The following RAB37 variants were observed in gnomAD, a reference collection of about 807,000 sequenced individuals.
RAB37 encodes the protein RAB37, member RAS oncogene family.
In RAB37, 29 loss-of-function variants were observed where a neutral mutation model predicts 33.1. The observed-to-expected ratio is 0.88, with a 90% CI of 0.65 to 1.20. The LOEUF (loss-of-function observed/expected upper bound fraction) is 1.20, where lower values mean the gene tolerates loss of function less well. RAB37 is among the 50% of genes most tolerant of loss of function. The pLI is 0.00. For missense variants in RAB37, 299 were observed against 301.1 expected (o/e 0.99, Z 0.05); for synonymous variants, 128 against 119.5 (o/e 1.07, Z -0.47).
At chr17:74,736,662 C>T, upstream of RAB37, 1 of 1,535,556 alleles carries the variant, frequency 6.5e-7, no homozygotes. Context: ...AGAGGTGATC[C>T]ATACTAAAGG....
At chr17:74,690,431 C>G (rs73361325) in intron 1 of RAB37, among the ~76,000 whole-genome samples, 1 of 152,080 alleles carries the variant, frequency 6.6e-6, no homozygotes, top group African/African-American at 2.4e-5. Flanking sequence ...AAATGCTACC[C>G]TCACTCAGAC....
upstream of RAB37, among the ~76,000 whole-genome samples, chr17:74,735,057 GAAAGAGAA>G (rs1171307134): frequency 1.4e-5 from 2 of 138,818 alleles, no homozygotes; most frequent in Non-Finnish European, 3.2e-5. Context: ...AAGAAAGAAA[GAAAGAGAA>G]AGAAAGGGAA....
rs1046925845 is a variant in RAB37 at position 74,730,900 on chromosome 17, A to C, written c.183+1534A>C. Among the ~76,000 whole-genome samples, 2 of 152,236 alleles carry C rather than the reference A, an allele frequency of 1.3e-5. No individual in the cohort carries two copies. Among genetic ancestry groups the C allele is most frequent in the Non-Finnish European group, 2.9e-5 (2 of 68,040 alleles). On this transcript the variant is annotated intron_variant, in intron 2 of 7. Transcript: ENST00000340415. The surrounding 1 kb of genome is among the most constrained non-coding windows in gnomAD (Gnocchi z 4.4). ...GAAAATTGAGGCCGATTTCCTGTGAAGGAAAAAGAAAGTGTGTGGTCAAAC... is the reference window on the plus strand; with the variant it reads ...GAAAATTGAGGCCGATTTCCTGTGACGGAAAAAGAAAGTGTGTGGTCAAAC...
chr17:74,733,944 C>G (rs1474294660), upstream of RAB37, among the ~76,000 whole-genome samples: 1 of 152,172 alleles, frequency 6.6e-6, no homozygotes, highest in Non-Finnish European at 1.5e-5. Flanking sequence ...AAGACTTCTT[C>G]CCTAGGTCAG....
chr17:74,718,316 CATCAT>C (rs57513588), intron 1 of RAB37, among the ~76,000 whole-genome samples: 84,433 of 147,408 alleles, frequency 0.57, 24,957 homozygotes, highest in Middle Eastern at 0.76. Flanking sequence ...TCATATCATA[CATCAT>C]ATCATATCAT....
rs2091359935 is a variant in RAB37 at position 74,742,263 on chromosome 17, G to A, written c.214G>A (p.Val72Met). Residue 72 changes from valine to methionine, a missense_variant, in exon 3 of 9, where the codon GTG becomes ATG. Physicochemically the swap from Val to Met is conservative, Grantham distance 21. Transcript: ENST00000392613. The surrounding 1 kb of genome is among the most constrained non-coding windows in gnomAD (Gnocchi z 4.0). Reference protein sequence around the residue: ...TVGIDFRNKVVTVDGVRVKLQ... With the variant: ...TVGIDFRNKVMTVDGVRVKLQ... ...CCTTTTTCTCTTTCAGAACAAGGTG[G>A]TGACTGTGGATGGCGTGAGAGTGAA... The A allele has an allele frequency of 1.9e-6, 3 of 1,613,306 alleles. No homozygotes were observed. The African/African-American group carries it at 4.0e-5, about 22-fold the overall frequency.
intron 1 of RAB37, among the ~76,000 whole-genome samples, chr17:74,720,428 A>AC (rs2034223635): frequency 6.6e-6 from 1 of 151,908 alleles, no homozygotes; most frequent in East Asian, 1.9e-4. Flanking sequence ...CTACTGAAAA[A>AC]AAAAACCCAA....
chr17:74,736,716 G>C (rs573570437), upstream of RAB37: 4 of 1,535,720 alleles, frequency 2.6e-6, no homozygotes, highest in Admixed American at 3.9e-5. Flanking sequence ...ACACCGCAGC[G>C]TACATGTGCT....
rs2034717138 is a variant in RAB37, at chr17:74,744,931, T to C, written c.489+2T>C. 1 of 1,614,138 alleles carries C rather than the reference T, an allele frequency of 6.2e-7. No homozygotes were observed. The highest frequency in any genetic ancestry group is 2.2e-5 in the East Asian group (1 of 44,872). On this transcript the variant is annotated splice_donor_variant, in intron 7 of 8. Coordinates refer to ENST00000392613, the MANE Select transcript of RAB37 (RefSeq NM_001006638.3). LOFTEE classifies it high-confidence loss of function. This position sits in a 1 kb window ranked among gnomAD's most constrained non-coding sequence, Gnocchi z 4.2. ...GAAGACGGAGAGACCTTGGCCAGGG[T>C]AAGTGATTGTCTGTGGGACAGGGTG...
upstream of RAB37, among the ~76,000 whole-genome samples, chr17:74,735,018 GAAGAAAGAAAGAAAGAAAGA>G (rs562187740): frequency 0.018 from 1,467 of 82,326 alleles, 21 homozygotes; most frequent in Non-Finnish European, 0.022. Flanking sequence ...AGGAAGGAAG[GAAGAAAGAAAGAAAGAAAGA>G]AAGAAAGAAA....
chr17:74,701,892 G>A (rs1340307227), intron 1 of RAB37, among the ~76,000 whole-genome samples: 1 of 150,000 alleles, frequency 6.7e-6, no homozygotes, highest in Non-Finnish European at 1.5e-5. Context: ...GGTGGTGGGC[G>A]ACTATAGTTC....
At chr17:74,678,282 A>G (rs2031884103) in intron 1 of RAB37, among the ~76,000 whole-genome samples, 1 of 152,134 alleles carries the variant, frequency 6.6e-6, no homozygotes, top group Non-Finnish European at 1.5e-5. Context: ...CAAGAGAGAC[A>G]GCTCCAAGCA....
At chr17:74,698,588 A>G (rs1379164542) in intron 1 of RAB37, 1 of 1,512,210 alleles carries the variant, frequency 6.6e-7, no homozygotes, top group Non-Finnish European at 8.9e-7. Context: ...GATGAGCTGC[A>G]GGTCTGTAGT....
intron 1 of RAB37, chr17:74,695,972 C>A: frequency 7.4e-7 from 1 of 1,358,170 alleles, no homozygotes; most frequent in Non-Finnish European, 1.0e-6. Context: ...GCCCCTCTCC[C>A]ATTTCCCTCC....
rs140394994 is a variant in RAB37 at position 74,740,861 on chromosome 17, G to A, written c.187G>A (p.Val63Ile). ...CCTGTCCGGAACCTTCATAGCCACCGTCGGCATAGACTTCAGGGTGAGGTG... is the reference window on the plus strand; with the variant it reads ...CCTGTCCGGAACCTTCATAGCCACCATCGGCATAGACTTCAGGGTGAGGTG... ...AFLSGTFIAT[V>I]GIDFRNKVVT... The change falls in exon 2 of 9, where the codon GTC (valine) becomes ATC (isoleucine). Residue 63 changes from valine to isoleucine, a missense_variant. Physicochemically the swap from Val to Ile is conservative, Grantham distance 29. Transcript: ENST00000392613. The A allele has an allele frequency of 2.5e-5, 40 of 1,612,750 alleles. No homozygotes were observed. Among genetic ancestry groups the A allele is most frequent in the African/African-American group, 8.0e-5 (6 of 74,882 alleles).
At chr17:74,672,257 A>C (rs2031722409) in intron 1 of RAB37, among the ~76,000 whole-genome samples, 1 of 150,662 alleles carries the variant, frequency 6.6e-6, no homozygotes, top group African/African-American at 2.5e-5. Flanking sequence ...TCTCCCCCTA[A>C]GATAGTTGTT....
At chr17:74,709,208 G>A (rs1379815207) in intron 1 of RAB37, among the ~76,000 whole-genome samples, 1 of 151,206 alleles carries the variant, frequency 6.6e-6, no homozygotes, top group Non-Finnish European at 1.5e-5. Context: ...TGGAGACAGA[G>A]CAAGACTGAC....
Position 74,676,769 on chromosome 17 carries a change from T to C in RAB37, c.72+5111T>C. On this transcript the variant is annotated intron_variant, in intron 1 of 7. Coordinates refer to the RAB37 transcript ENST00000340415. This position sits in a 1 kb window ranked among gnomAD's most constrained non-coding sequence, Gnocchi z 4.1. ...AATTCCAGAAGTGTCCTAAGAAAGA[T>C]ACGGGTAGCTGCAAGGGAGTGACCC... 6.6e-6 allele frequency among the ~76,000 whole-genome samples: 1 copy of C among 152,168 alleles called. No individual in the cohort carries two copies. The highest frequency in any genetic ancestry group is 1.5e-5 in the Non-Finnish European group (1 of 68,046).
chr17:74,685,613 A>G (rs2032038699), intron 1 of RAB37, among the ~76,000 whole-genome samples: 1 of 152,150 alleles, frequency 6.6e-6, no homozygotes, highest in Non-Finnish European at 1.5e-5. Context: ...TCAGCAGGGA[A>G]TAAAAGAGAA....
Sources: allele counts gnomAD v4.1 joint callset (sites outside exome capture counted in the v4.1 genomes callset), GRCh38; gene constraint gnomAD v4.1.1; non-coding constraint Gnocchi (gnomAD v3.1); transcripts MANE v1.5; gene names NCBI Gene and HGNC (gene_info 2026-07-23, HGNC 2026-07-21).